CENPP: variants seen among roughly 807,000 people sequenced by gnomAD.
The protein encoded by CENPP is centromere protein P.
In CENPP, 24 loss-of-function variants were observed where a neutral mutation model predicts 35.6. The ratio of observed to expected loss-of-function variants is 0.67; its 90% CI spans 0.49 to 0.95. The LOEUF (loss-of-function observed/expected upper bound fraction) is 0.95, where lower values mean the gene tolerates loss of function less well. CENPP is among the 40% of genes least tolerant of loss of function. The probability of loss-of-function intolerance (pLI) is 0.00; values close to 1 mark genes in which losing one functional copy is unlikely to be tolerated. For missense variants in CENPP, 332 were observed against 345.3 expected (o/e 0.96, Z 0.31); for synonymous variants, 120 against 125.5 (o/e 0.96, Z 0.29).
At chr9:92,470,827 G>C in intron 5 of CENPP, 1 of 1,111,914 alleles carries the variant, frequency 9.0e-7, no homozygotes, top group Non-Finnish European at 1.3e-6. Context: ...TCATGCTGAA[G>C]ATGAGATTAC....
At chr9:92,438,158 A>G (rs1844294055) in intron 5 of CENPP, among the ~76,000 whole-genome samples, 1 of 152,178 alleles carries the variant, frequency 6.6e-6, no homozygotes, top group Admixed American at 6.5e-5. Context: ...TGTCAAGTCT[A>G]AGAACTCTTT....
At position 92,570,557 on chromosome 9, in the gene CENPP, C is replaced by T. The variant is rs558113517; in HGVS notation, c.565-40757C>T. Among the ~76,000 whole-genome samples, 37 of 152,102 alleles carry T rather than the reference C, an allele frequency of 2.4e-4. No individual in the cohort carries two copies. The East Asian group carries it at 6.6e-3, about 27-fold the overall frequency. ...AAATGCTCTTTTTTTGTGGTGTCTC[C>T]ACCAGGCTTTGGTATCAGGATGATG... is the stretch of plus-strand genomic sequence containing the variant. On this transcript the variant is annotated intron_variant, in intron 5 of 7. Transcript: ENST00000375587.
At chr9:92,551,925 GTATATA>G (rs143120429) in intron 5 of CENPP, among the ~76,000 whole-genome samples, 4,321 of 84,502 alleles carry the variant, frequency 0.051, 405 homozygotes, top group Middle Eastern at 0.12. Flanking sequence ...TGGTGTGTGT[GTATATA>G]TATATATATA....
intron 5 of CENPP, among the ~76,000 whole-genome samples, chr9:92,507,033 G>A (rs528848983): frequency 7.2e-5 from 11 of 152,034 alleles, no homozygotes; most frequent in Non-Finnish European, 1.3e-4. Context: ...TCAGCCTCCC[G>A]AGTATCTGGC....
chr9:92,398,930 C>T (rs574915594), intron 5 of CENPP, among the ~76,000 whole-genome samples: 26 of 152,046 alleles, frequency 1.7e-4, no homozygotes, highest in Non-Finnish European at 1.9e-4. Flanking sequence ...GGCGTGGTGG[C>T]GCGTGCCTGT....
At chr9:92,580,044 C>T (rs1273900035) in intron 5 of CENPP, among the ~76,000 whole-genome samples, 1 of 151,228 alleles carries the variant, frequency 6.6e-6, no homozygotes, top group Non-Finnish European at 1.5e-5. Context: ...GCCTTTTCTG[C>T]ATCTATTGAG....
intron 4 of CENPP, among the ~76,000 whole-genome samples, chr9:92,354,961 G>A (rs190560983): frequency 6.6e-6 from 1 of 152,204 alleles, no homozygotes; most frequent in East Asian, 1.9e-4. Flanking sequence ...CAGGGAGTAG[G>A]TACAAAGATC....
chr9:92,583,932 G>C (rs776835807), intron 5 of CENPP, among the ~76,000 whole-genome samples: 27 of 152,188 alleles, frequency 1.8e-4, no homozygotes, highest in Admixed American at 2.6e-4. Context: ...TGGGCATGTA[G>C]CAAAAACCAA....
intron 4 of CENPP, among the ~76,000 whole-genome samples, chr9:92,365,989 G>A (rs902624926): frequency 6.6e-6 from 1 of 151,532 alleles, no homozygotes. Flanking sequence ...GACCATCCTG[G>A]CTAACATGGT....
At chr9:92,339,115 A>G (rs1841026167) in intron 3 of CENPP, among the ~76,000 whole-genome samples, 1 of 152,230 alleles carries the variant, frequency 6.6e-6, no homozygotes, top group African/African-American at 2.4e-5. Flanking sequence ...GGAACAGAAC[A>G]GGGAAGGGCT....
At chr9:92,588,568 A>C (rs1245427782) in intron 5 of CENPP, among the ~76,000 whole-genome samples, 1 of 152,010 alleles carries the variant, frequency 6.6e-6, no homozygotes, top group Non-Finnish European at 1.5e-5. Context: ...TGAGTTTTAA[A>C]AGGTTTTTCT....
chr9:92,545,131 C>T (rs1005065102), intron 5 of CENPP, among the ~76,000 whole-genome samples: 2 of 152,202 alleles, frequency 1.3e-5, no homozygotes, highest in African/African-American at 4.8e-5. Context: ...TCAGCCTCAG[C>T]GCCCACTCTG....
chr9:92,532,015 G>GTTTTTTTTTGTTT (rs1848800192), intron 5 of CENPP, among the ~76,000 whole-genome samples: 1 of 95,736 alleles, frequency 1.0e-5, no homozygotes, highest in African/African-American at 5.9e-5. Context: ...TTTATTTAAT[G>GTTTTTTTTTGTTT]TTTTTTTTTT....
At position 92,470,679 on chromosome 9, in the gene CENPP, G is replaced by A. The variant is rs751002441; in HGVS notation, c.564+90820G>A. The A allele has an allele frequency of 1.3e-5, 19 of 1,500,572 alleles. No homozygotes were observed. The African/African-American group carries it at 2.4e-4, about 19-fold the overall frequency. 93.0% of individuals were successfully genotyped at this position (1,500,572 alleles called of 1,614,324 possible). Reference sequence around the variant, plus strand: ...AGGATATATTCTTACATAAAGTGAAGTGAGTCCTTTAAAATCATTTTCTTT... The same window carrying A: ...AGGATATATTCTTACATAAAGTGAAATGAGTCCTTTAAAATCATTTTCTTT... On this transcript the variant is annotated intron_variant, in intron 5 of 7. Coordinates refer to ENST00000375587, the MANE Select transcript of CENPP (RefSeq NM_001012267.3).
intron 5 of CENPP, chr9:92,460,582 A>AAT (rs1261881527): frequency 7.1e-7 from 1 of 1,403,890 alleles, no homozygotes; most frequent in Admixed American, 1.7e-5. Context: ...TAAGAAGAGA[A>AAT]ATATATATGT....
intron 5 of CENPP, among the ~76,000 whole-genome samples, chr9:92,567,373 G>GATATATAGATATAGATATATATAT (rs1554688236): frequency 7.7e-6 from 1 of 129,090 alleles, no homozygotes; most frequent in African/African-American, 2.8e-5. Flanking sequence ...ACATAAGATA[G>GATATATAGATATAGATATATATAT]ATATATATAT....
intron 4 of CENPP, among the ~76,000 whole-genome samples, chr9:92,347,993 G>C (rs1343310210): frequency 2.6e-5 from 4 of 152,056 alleles, no homozygotes; most frequent in South Asian, 4.2e-4. Context: ...GCATGATCTT[G>C]GCTCACTGCA....
At chr9:92,607,238 C>A (rs2131394805) in intron 5 of CENPP, among the ~76,000 whole-genome samples, 1 of 152,230 alleles carries the variant, frequency 6.6e-6, no homozygotes, top group Non-Finnish European at 1.5e-5. Context: ...TGGCCCAGTG[C>A]CAGTTACTGC....
chr9:92,401,096 AT>A, intron 5 of CENPP: 2 of 1,411,678 alleles, frequency 1.4e-6, no homozygotes, highest in Non-Finnish European at 2.0e-6. Context: ...ACTTACCATC[AT>A]TTTCTTTCTT....
Sources: allele counts gnomAD v4.1 joint callset (sites outside exome capture counted in the v4.1 genomes callset), GRCh38; gene constraint gnomAD v4.1.1; transcripts MANE v1.5; gene names NCBI Gene and HGNC (gene_info 2026-07-23, HGNC 2026-07-21).